HS3ST4: variants seen among roughly 807,000 people sequenced by gnomAD.
HS3ST4 encodes the protein heparan sulfate glucosamine 3-O-sulfotransferase 4.
Under a neutral mutation model 29.2 loss-of-function variants are expected in HS3ST4, and 17 were observed. That is an observed-to-expected ratio of 0.58 (90% CI 0.40 to 0.87). The LOEUF (loss-of-function observed/expected upper bound fraction) is 0.87. HS3ST4 is among the 40% of genes least tolerant of loss of function. The pLI is 0.00. For missense variants in HS3ST4, 627 were observed against 634.5 expected (o/e 0.99, Z 0.13); for synonymous variants, 314 against 285.7 (o/e 1.10, Z -1.00).
chr16:25,945,544 A>G (rs1968617571), intron 1 of HS3ST4, among the ~76,000 whole-genome samples: 1 of 152,194 alleles, frequency 6.6e-6, no homozygotes. Context: ...AATATGTGTC[A>G]TAATTTTTAA....
chr16:25,857,932 C>CT (rs1253074119), intron 1 of HS3ST4, among the ~76,000 whole-genome samples: 5 of 49,498 alleles, frequency 1.0e-4, no homozygotes, highest in Non-Finnish European at 1.8e-4. Flanking sequence ...TTCTTTCTTT[C>CT]TTTCTTTCTT....
chr16:26,079,756 T>C (rs1898703884), intron 1 of HS3ST4, among the ~76,000 whole-genome samples: 1 of 152,184 alleles, frequency 6.6e-6, no homozygotes, highest in South Asian at 2.1e-4. Flanking sequence ...AAGCTTCCTT[T>C]TGAGGACTGT....
intron 1 of HS3ST4, among the ~76,000 whole-genome samples, chr16:26,031,507 A>G (rs2141753553): frequency 6.6e-6 from 1 of 152,000 alleles, no homozygotes; most frequent in East Asian, 1.9e-4. Flanking sequence ...AACACACTCC[A>G]CTCCACTCCA....
chr16:26,086,938 G>A (rs958236955), intron 1 of HS3ST4, among the ~76,000 whole-genome samples: 6 of 152,092 alleles, frequency 3.9e-5, no homozygotes, highest in South Asian at 2.1e-4. Context: ...GCACTACCTG[G>A]GCTGTTGCCT....
chr16:25,989,817 CAGT>C (rs1433016603), intron 1 of HS3ST4, among the ~76,000 whole-genome samples: 1 of 152,174 alleles, frequency 6.6e-6, no homozygotes, highest in Non-Finnish European at 1.5e-5. Context: ...AGTTTGCATT[CAGT>C]TCAGCAAAGA....
chr16:25,857,941 T>TTTCTTTCC (rs1967595989), intron 1 of HS3ST4, among the ~76,000 whole-genome samples: 1 of 52,940 alleles, frequency 1.9e-5, no homozygotes, highest in Non-Finnish European at 3.4e-5. Flanking sequence ...TCTTTCTTTC[T>TTTCTTTCC]TTCTTTCTTT....
At chr16:25,744,799 T>A (rs1966675874) in intron 1 of HS3ST4, among the ~76,000 whole-genome samples, 2 of 151,882 alleles carry the variant, frequency 1.3e-5, no homozygotes, top group Non-Finnish European at 2.9e-5. Flanking sequence ...AAAACGGGAG[T>A]CTCCCCTGCA....
chr16:26,049,328 TC>T (rs2141764165), intron 1 of HS3ST4, among the ~76,000 whole-genome samples: 1 of 77,492 alleles, frequency 1.3e-5, no homozygotes, highest in East Asian at 2.7e-4. Flanking sequence ...TGCTGGGAAG[TC>T]CGGAGGTCTA....
chr16:26,125,686 C>T (rs1899333534), intron 1 of HS3ST4, among the ~76,000 whole-genome samples: 1 of 152,202 alleles, frequency 6.6e-6, no homozygotes, highest in Admixed American at 6.5e-5. Context: ...CTTAGTCCAC[C>T]TTCTATGTCC....
intron 1 of HS3ST4, among the ~76,000 whole-genome samples, chr16:26,085,233 A>C (rs1898772731): frequency 6.6e-6 from 1 of 152,214 alleles, no homozygotes; most frequent in South Asian, 2.1e-4. Flanking sequence ...CAAGCATGGA[A>C]ACACAACAGT....
chr16:26,005,261 C>A (rs761739212), intron 1 of HS3ST4, among the ~76,000 whole-genome samples: 20 of 152,070 alleles, frequency 1.3e-4, no homozygotes, highest in Non-Finnish European at 2.6e-4. Flanking sequence ...AATAATATAG[C>A]CCATCCTGAA....
At chr16:26,111,462 A>T (rs1365925855) in intron 1 of HS3ST4, among the ~76,000 whole-genome samples, 14 of 148,950 alleles carry the variant, frequency 9.4e-5, no homozygotes, top group African/African-American at 3.5e-4. Flanking sequence ...TCTTTTTCTT[A>T]ATTTAAAAAC....
chr16:25,881,779 G>A lies in HS3ST4; in HGVS notation c.734+188628G>A, dbSNP rs182356950. On this transcript the variant is annotated intron_variant, in intron 1 of 1. Coordinates refer to ENST00000331351, the MANE Select transcript of HS3ST4 (RefSeq NM_006040.3). ...ATGGAGGGGACAGGAATCAGAGAAT[G>A]GTGAGCCTCAGGGGATGGGCTGTTA... is the stretch of plus-strand genomic sequence containing the variant. Among the ~76,000 whole-genome samples the A allele has an allele frequency of 1.0e-3, 159 of 152,292 alleles. 2 individuals carry two copies. The highest frequency in any genetic ancestry group is 1.5e-3 in the Non-Finnish European group (99 of 68,026).
chr16:25,778,759 G>GAGA (rs941102070), intron 1 of HS3ST4, among the ~76,000 whole-genome samples: 1 of 151,932 alleles, frequency 6.6e-6, no homozygotes, highest in Non-Finnish European at 1.5e-5. Context: ...GAAGGAGGAG[G>GAGA]AGAAGAAGGA....
chr16:25,719,007 G>C (rs546836173), intron 1 of HS3ST4, among the ~76,000 whole-genome samples: 98 of 152,298 alleles, frequency 6.4e-4, no homozygotes, highest in African/African-American at 2.3e-3. Flanking sequence ...AAAAGGGAGG[G>C]AGTGATCAAC....
intron 1 of HS3ST4, among the ~76,000 whole-genome samples, chr16:25,807,388 A>G (rs1043719278): frequency 1.3e-5 from 2 of 152,232 alleles, no homozygotes; most frequent in Non-Finnish European, 2.9e-5. Flanking sequence ...TTGCAAAAAC[A>G]TTATGTAAAT....
chr16:26,031,319 C>T (rs1969529000), intron 1 of HS3ST4, among the ~76,000 whole-genome samples: 1 of 152,150 alleles, frequency 6.6e-6, no homozygotes, highest in Non-Finnish European at 1.5e-5. Flanking sequence ...TCAGCAGCTC[C>T]CAGAAATGTG....
intron 1 of HS3ST4, among the ~76,000 whole-genome samples, chr16:26,117,761 T>C (rs11641503): frequency 0.016 from 2,505 of 152,338 alleles, 35 homozygotes; most frequent in Middle Eastern, 0.034. Flanking sequence ...TGTGAAAATG[T>C]GAAGCTGCAT....
At chr16:25,909,524 T>G (rs1363514063) in intron 1 of HS3ST4, among the ~76,000 whole-genome samples, 7 of 152,076 alleles carry the variant, frequency 4.6e-5, no homozygotes, top group Non-Finnish European at 2.9e-5. Flanking sequence ...TGGACCAACT[T>G]CGAGAAGTGA....
Sources: allele counts gnomAD v4.1 joint callset (sites outside exome capture counted in the v4.1 genomes callset), GRCh38; gene constraint gnomAD v4.1.1; transcripts MANE v1.5; gene names NCBI Gene and HGNC (gene_info 2026-07-23, HGNC 2026-07-21).